SDF4: variants seen among roughly 807,000 people sequenced by gnomAD.
SDF4 encodes stromal cell derived factor 4.
SDF4 carries 22 observed loss-of-function variants against 34.2 expected under a neutral mutation model. The observed-to-expected ratio is 0.64, with a 90% CI of 0.46 to 0.92. The LOEUF is 0.92. Ranked by LOEUF, SDF4 falls within the 40% of genes least tolerant of loss-of-function variation. The pLI is 0.00. For synonymous variants in SDF4, 236 were observed against 203.1 expected (o/e 1.16, Z -1.38); for missense variants, 447 against 499.9 (o/e 0.89, Z 1.01).
chr1:1,231,165 C>T (rs1227288599), intron 1 of SDF4, among the ~76,000 whole-genome samples: 1 of 152,248 alleles, frequency 6.6e-6, no homozygotes, highest in African/African-American at 2.4e-5. Context: ...CGCTTCCTCT[C>T]CTGGCTTCAG....
At position 1,217,632 on chromosome 1, in the gene SDF4, G is replaced by T; in HGVS notation, c.948C>A (p.Ile316=). Residue 316 remains isoleucine, a synonymous_variant, in exon 7 of 7, where the codon ATC becomes ATA. Transcript: ENST00000360001. This position sits in a 1 kb window ranked among gnomAD's most constrained non-coding sequence, Gnocchi z 8.5. ...GGTTCTGGTTCTCGTCGGCGACGGCGATCATCTGCTTGGCCTCGTTCAGCG... is the reference window on the plus strand; with the variant it reads ...GGTTCTGGTTCTCGTCGGCGACGGCTATCATCTGCTTGGCCTCGTTCAGCG... ...YNALNEAKQM[I]AVADENQNHH... 1 of 1,613,820 alleles carries T rather than the reference G, an allele frequency of 6.2e-7. No homozygotes were observed. Among genetic ancestry groups the T allele is most frequent in the Non-Finnish European group, 8.5e-7 (1 of 1,179,952 alleles).
At chr1:1,221,651 T>C (rs188317625) in intron 4 of SDF4, among the ~76,000 whole-genome samples, 115 of 151,616 alleles carry the variant, frequency 7.6e-4, no homozygotes, top group African/African-American at 2.7e-3. Flanking sequence ...CAATTAAAAA[T>C]TAAAAATTAA....
At chr1:1,223,477 C>T in intron 3 of SDF4, 120 bp from the exon 4 acceptor site, 1 of 771,938 alleles carries the variant, frequency 1.3e-6, no homozygotes, top group Non-Finnish European at 2.1e-6. Context: ...GCGTCTGGAG[C>T]CCCAGGGCCC....
chr1:1,219,917 C>T (rs1370875402), intron 4 of SDF4: 1 of 967,854 alleles, frequency 1.0e-6, no homozygotes, highest in Admixed American at 6.8e-5. Context: ...CATCTTATCC[C>T]TTTCTGAACA....
intron 3 of SDF4, 46 bp downstream of exon 3, chr1:1,223,786 G>GCCCCCCCCCCC: frequency 3.4e-6 from 2 of 585,242 alleles, no homozygotes; most frequent in South Asian, 2.1e-5. Flanking sequence ...CCATGGCCCT[G>GCCCCCCCCCCC]CCCGCCCCGC....
rs1649707254 is a variant in SDF4 at position 1,218,851 on chromosome 1, C to T, written c.633G>A (p.Glu211=). 1.9e-6 allele frequency: 3 copies of T among 1,598,798 alleles called. No individual in the cohort carries two copies. In the African/African-American group the frequency reaches 4.0e-5, roughly 21 times the overall value. Residue 211 remains glutamate (E), a synonymous_variant, in exon 5 of 7, where the codon GAG becomes GAA. Coordinates refer to ENST00000360001, the MANE Select transcript of SDF4 (RefSeq NM_016176.6). This position sits in a 1 kb window ranked among gnomAD's most constrained non-coding sequence, Gnocchi z 7.9. ...DSPPADLLLT[E]EEFLSFLHPE... ...GGTGGAGGAACGACAGGAACTCCTCCTCCGTCAGCAGCAGGTCTGCAGGGG... is the reference window on the plus strand; with the variant it reads ...GGTGGAGGAACGACAGGAACTCCTCTTCCGTCAGCAGCAGGTCTGCAGGGG...
At chr1:1,230,939 T>C (rs1236201542) in intron 1 of SDF4, among the ~76,000 whole-genome samples, 1 of 152,256 alleles carries the variant, frequency 6.6e-6, no homozygotes, top group Non-Finnish European at 1.5e-5. Flanking sequence ...GACTGTACTT[T>C]GTTCCTAGAG....
intron 4 of SDF4, among the ~76,000 whole-genome samples, chr1:1,221,691 T>G (rs1414898328): frequency 6.6e-6 from 1 of 152,172 alleles, no homozygotes; most frequent in Non-Finnish European, 1.5e-5. Context: ...CTAGGCGCAG[T>G]GGCTCACGCC....
At chr1:1,223,149 TACACGACAC>T (rs774969625) in intron 4 of SDF4, 86 bp downstream of exon 4, 3 of 879,956 alleles carry the variant, frequency 3.4e-6, no homozygotes, top group Non-Finnish European at 5.7e-6. Flanking sequence ...GGCACACTCA[TACACGACAC>T]ACACGGCACA....
rs374952254 is a variant in SDF4, at chr1:1,227,030, G to A, written c.305+1438C>T. ...CGAACCGTACCATCTGAGGAGAGGT[G>A]CAAGGGGACACCACACCTGGTGCCC... On this transcript the variant is annotated intron_variant, in intron 2 of 6. Transcript: ENST00000360001. 1.8e-3 allele frequency among the ~76,000 whole-genome samples: 277 copies of A among 152,320 alleles called. 2 individuals carry two copies. The highest frequency in any genetic ancestry group is 6.2e-3 in the African/African-American group (256 of 41,562).
chr1:1,220,946 TG>T, intron 4 of SDF4: 1 of 373,024 alleles, frequency 2.7e-6, no homozygotes, highest in Admixed American at 3.5e-5. Context: ...ACCACTCTTT[TG>T]GAAAGGAAGT....
rs148790372 is a variant in SDF4, at chr1:1,221,882, T to C, written c.556+1362A>G. On this transcript the variant is annotated intron_variant, in intron 4 of 6. Coordinates refer to ENST00000360001, the MANE Select transcript of SDF4 (RefSeq NM_016176.6). ...GGAGGATCGCCTGAGCCCTGGAAGG[T>C]ACAGCTGCAGGGAGCCGAGACTGCA... 9.4e-3 allele frequency among the ~76,000 whole-genome samples: 1,426 copies of C among 151,958 alleles called. 21 individuals are homozygous for C. The highest frequency in any genetic ancestry group is 0.031 in the African/African-American group (1,277 of 41,444).
chr1:1,219,674 A>T (rs1397744193), intron 4 of SDF4: 10 of 985,606 alleles, frequency 1.0e-5, no homozygotes, highest in Non-Finnish European at 1.2e-5. Flanking sequence ...ACGGGCCCTC[A>T]CCCCGAGGTC....
intron 4 of SDF4, chr1:1,219,170 T>A: frequency 7.5e-7 from 1 of 1,336,282 alleles, no homozygotes. Flanking sequence ...CTTGGACCCC[T>A]CCACACAGCC....
At chr1:1,222,844 G>A (rs1339386952) in intron 4 of SDF4, among the ~76,000 whole-genome samples, 1 of 152,246 alleles carries the variant, frequency 6.6e-6, no homozygotes, top group Non-Finnish European at 1.5e-5. Flanking sequence ...CTGTTAAGAC[G>A]AACACGTGTG....
chr1:1,231,465 G>T (rs1638497861), intron 1 of SDF4, among the ~76,000 whole-genome samples: 1 of 152,270 alleles, frequency 6.6e-6, no homozygotes, highest in East Asian at 1.9e-4. Context: ...CAGACATCAA[G>T]GGCTCCACAC....
In SDF4 at chr1:1,218,642, C is replaced by A. The variant is rs749475878; in HGVS notation, c.716-9G>T. 1.2e-5 allele frequency: 20 copies of A among 1,613,512 alleles called. No homozygotes were observed. The highest frequency in any genetic ancestry group is 3.3e-5 in the Admixed American group (2 of 59,996). On this transcript the variant is annotated splice_polypyrimidine_tract_variant and intron_variant, in intron 5 of 6. Coordinates refer to ENST00000360001, the MANE Select transcript of SDF4 (RefSeq NM_016176.6). The surrounding 1 kb of genome is among the most constrained non-coding windows in gnomAD (Gnocchi z 7.9). ...CTTGTCACCGTCCTGGTCTGCGAGA[C>A]GGGAATGGGTCAGCCCACACCCAGG...
intron 4 of SDF4, chr1:1,219,830 C>A: frequency 2.0e-6 from 2 of 985,902 alleles, no homozygotes; most frequent in Non-Finnish European, 2.4e-6. Flanking sequence ...CCCGACTCTG[C>A]CCTGGCCGAA....
rs934357511 is a variant in SDF4 at position 1,220,680 on chromosome 1, C to T, written c.557-1753G>A. On this transcript the variant is annotated intron_variant, in intron 4 of 6. Transcript: ENST00000360001. The stretch of plus-strand genomic sequence containing the variant: ...ACCTCTGCTGAGTCCCAAAGGTAGA[C>T]GGAGGCTTCACAGAAATGTCACAGA... 11 of 1,289,208 alleles carry T rather than the reference C, an allele frequency of 8.5e-6. No homozygotes were observed. The East Asian group carries it at 2.2e-4, about 26-fold the overall frequency. The allele number at this position is 1,289,208 out of a possible 1,614,324, so 79.9% of individuals were successfully genotyped here.
Sources: allele counts gnomAD v4.1 joint callset (sites outside exome capture counted in the v4.1 genomes callset), GRCh38; gene constraint gnomAD v4.1.1; non-coding constraint Gnocchi (gnomAD v3.1); transcripts MANE v1.5; gene names NCBI Gene and HGNC (gene_info 2026-07-23, HGNC 2026-07-21).